PPP1R14C: variants seen among roughly 807,000 people sequenced by gnomAD.
PPP1R14C encodes the protein protein phosphatase 1 regulatory inhibitor subunit 14C, also known as protein phosphatase 1 regulatory subunit 14C.
In PPP1R14C, 16 loss-of-function variants were observed where a neutral mutation model predicts 20.4. The observed-to-expected ratio is 0.78, with a 90% CI of 0.53 to 1.19. The LOEUF (loss-of-function observed/expected upper bound fraction) is 1.19. Ranked by LOEUF, PPP1R14C falls within the 50% of genes most tolerant of loss-of-function variation. The pLI is 0.00. For missense variants in PPP1R14C, 211 were observed against 220.1 expected (o/e 0.96, Z 0.26); for synonymous variants, 91 against 91.0 (o/e 1.00, Z 0.00).
At chr6:150,170,488 AT>A (rs1314056607) in intron 1 of PPP1R14C, among the ~76,000 whole-genome samples, 3 of 151,876 alleles carry the variant, frequency 2.0e-5, no homozygotes, top group Admixed American at 6.6e-5. Context: ...TGCCTGGCTA[AT>A]TTTTTTGTAT....
chr6:150,246,073 A>G (rs1317087182), intron 3 of PPP1R14C, among the ~76,000 whole-genome samples: 1 of 152,214 alleles, frequency 6.6e-6, no homozygotes, highest in African/African-American at 2.4e-5. Context: ...AAATTTATGT[A>G]CATCATGGTT....
chr6:150,247,546 TA>T lies in PPP1R14C; in HGVS notation c.424-1197del, dbSNP rs1235550924. Among the ~76,000 whole-genome samples the T allele has an allele frequency of 3.3e-5, 5 of 152,358 alleles. No homozygotes were observed. The East Asian group carries it at 9.6e-4, about 29-fold the overall frequency. On this transcript the variant is annotated intron_variant, in intron 3 of 3. Transcript: ENST00000361131. ...GTGAGTCTTCCCTAGCATTACTTTG[TA>T]AATGAAATTAGAGTAGAATAGAAAT...
chr6:150,234,848 C>CAAAAAAAAAAAA (rs56139981), intron 3 of PPP1R14C, among the ~76,000 whole-genome samples: 19 of 41,830 alleles, frequency 4.5e-4, no homozygotes, highest in African/African-American at 1.8e-3. Flanking sequence ...GACTCTGTCT[C>CAAAAAAAAAAAA]AAAAAAAAAA....
At chr6:150,246,746 G>A (rs1778497246) in intron 3 of PPP1R14C, among the ~76,000 whole-genome samples, 1 of 152,190 alleles carries the variant, frequency 6.6e-6, no homozygotes, top group South Asian at 2.1e-4. Flanking sequence ...AAAGTCAGGA[G>A]CCATCCAAAT....
chr6:150,170,467 G>A (rs1023665534), intron 1 of PPP1R14C, among the ~76,000 whole-genome samples: 5 of 151,964 alleles, frequency 3.3e-5, no homozygotes, highest in African/African-American at 1.2e-4. Context: ...GACTACAGGC[G>A]ACTGCCACCA....
rs1582938869 is a variant in PPP1R14C, at chr6:150,248,939, T to C, written c.*119T>C. 17 of 576,734 alleles carry C rather than the reference T, an allele frequency of 2.9e-5. No homozygotes were observed. Among genetic ancestry groups the C allele is most frequent in the African/African-American group, 2.7e-4 (14 of 51,004 alleles). The allele number at this position is 576,734 out of a possible 1,614,324, so 35.7% of individuals were successfully genotyped here. A position where few individuals can be genotyped will look rare whatever the true frequency, so the allele number is the denominator to read the frequency against. On this transcript the variant is annotated 3_prime_UTR_variant, in exon 4 of 4. Transcript: ENST00000361131. ...GAACAACGTTTTTGTTTTTTTTTTTTTCTTTTTTGGTGTGAAGGTGGGGGG... is the reference window on the plus strand; with the variant it reads ...GAACAACGTTTTTGTTTTTTTTTTTCTCTTTTTTGGTGTGAAGGTGGGGGG...
chr6:150,244,229 T>G (rs1345214343), intron 3 of PPP1R14C, among the ~76,000 whole-genome samples: 2 of 152,038 alleles, frequency 1.3e-5, no homozygotes, highest in Non-Finnish European at 2.9e-5. Context: ...TACTCAAACT[T>G]CTCTCATCTA....
intron 1 of PPP1R14C, among the ~76,000 whole-genome samples, chr6:150,202,932 C>G (rs1777896294): frequency 6.6e-6 from 1 of 152,158 alleles, no homozygotes; most frequent in Non-Finnish European, 1.5e-5. Context: ...CTCATCTACC[C>G]CTTTCTTTCT....
At chr6:150,189,650 G>A (rs1262132797) in intron 1 of PPP1R14C, among the ~76,000 whole-genome samples, 2 of 151,910 alleles carry the variant, frequency 1.3e-5, no homozygotes, top group Admixed American at 6.6e-5. Context: ...GGCTAAACTC[G>A]TCATTTTGAT....
rs762454886 is a variant in PPP1R14C, at chr6:150,216,829, T to G, written c.396T>G (p.Ala132=). The G allele has an allele frequency of 6.3e-7, 1 of 1,597,864 alleles. No individual in the cohort carries two copies. The highest frequency in any genetic ancestry group is 1.3e-5 in the African/African-American group (1 of 74,408). ...TTCTGTGTGTTTAATTCTAGGAAGC[T>G]CTTGTAGACTGCTACAAACCAACAG... ...DEERASKLQE[A]LVDCYKPTEE... Residue 132 remains alanine, a synonymous_variant, in exon 3 of 4, where the codon GCT becomes GCG. Transcript: ENST00000361131.
chr6:150,192,338 T>G (rs1008283351), intron 1 of PPP1R14C, among the ~76,000 whole-genome samples: 1 of 152,066 alleles, frequency 6.6e-6, no homozygotes, highest in African/African-American at 2.4e-5. Context: ...GTGCAGATGG[T>G]TTCGGGATGA....
intron 1 of PPP1R14C, among the ~76,000 whole-genome samples, chr6:150,192,220 C>T (rs9384231): frequency 0.044 from 6,713 of 152,130 alleles, 312 homozygotes; most frequent in East Asian, 0.12. Context: ...AATTCTGGCC[C>T]ATATTATTTG....
At chr6:150,224,115 C>T (rs1443396177) in intron 3 of PPP1R14C, among the ~76,000 whole-genome samples, 3 of 152,306 alleles carry the variant, frequency 2.0e-5, no homozygotes, top group Non-Finnish European at 1.5e-5. Flanking sequence ...CCTACCTTTG[C>T]TCCTTTGAAT....
chr6:150,249,111 G>A lies in PPP1R14C; in HGVS notation c.*291G>A, dbSNP rs1159294446. The A allele has an allele frequency of 6.6e-5, 27 of 412,042 alleles. No individual in the cohort carries two copies. The highest frequency in any genetic ancestry group is 1.2e-4 in the Non-Finnish European group (27 of 234,364). 25.5% of individuals were successfully genotyped at this position (412,042 alleles called of 1,614,324 possible). A position where few individuals can be genotyped will look rare whatever the true frequency, so the allele number is the denominator to read the frequency against. On this transcript the variant is annotated 3_prime_UTR_variant, in exon 4 of 4. Coordinates refer to ENST00000361131, the MANE Select transcript of PPP1R14C (RefSeq NM_030949.3). ...AGGTGGACACTCAAGGAAGGGCCAC[G>A]CCAGGCTGCGTTTCCTGCAAGGACT... is the stretch of plus-strand genomic sequence containing the variant.
At chr6:150,198,297 C>G (rs1322516446) in intron 1 of PPP1R14C, among the ~76,000 whole-genome samples, 1 of 146,768 alleles carries the variant, frequency 6.8e-6, no homozygotes, top group Admixed American at 6.7e-5. Flanking sequence ...GTGCCCCTGG[C>G]CGCCATGGTG....
At chr6:150,176,994 G>C (rs932274537) in intron 1 of PPP1R14C, among the ~76,000 whole-genome samples, 1 of 152,204 alleles carries the variant, frequency 6.6e-6, no homozygotes, top group African/African-American at 2.4e-5. Flanking sequence ...CCTTCTGGCT[G>C]CCTGTGTCCT....
At chr6:150,171,886 A>G (rs1001423247) in intron 1 of PPP1R14C, among the ~76,000 whole-genome samples, 4 of 152,018 alleles carry the variant, frequency 2.6e-5, no homozygotes, top group African/African-American at 9.7e-5. Flanking sequence ...GCTCACCGCA[A>G]CCTCTGCCTC....
chr6:150,196,297 G>A (rs1777803589), intron 1 of PPP1R14C, among the ~76,000 whole-genome samples: 1 of 146,504 alleles, frequency 6.8e-6, no homozygotes, highest in African/African-American at 2.5e-5. Context: ...CAGAGCCACT[G>A]GGACTCAAAG....
chr6:150,154,906 G>A (rs1319697137), intron 1 of PPP1R14C, among the ~76,000 whole-genome samples: 1 of 152,012 alleles, frequency 6.6e-6, no homozygotes. Context: ...CTTTTTCTTT[G>A]CATTTAATTG....
Sources: gnomAD v4.1 joint callset for allele counts (sites outside exome capture counted in the v4.1 genomes callset) on GRCh38, gnomAD v4.1.1 for gene constraint, MANE v1.5 for transcripts, NCBI Gene and HGNC (gene_info 2026-07-23, HGNC 2026-07-21) for gene names.